Variants in AGBL4 observed in about 807,000 individuals in gnomAD.
AGBL4 encodes cytosolic carboxypeptidase 6.
AGBL4 carries 58 observed loss-of-function variants against 66.4 expected under a neutral mutation model. That is an observed-to-expected ratio of 0.87 (90% CI 0.71 to 1.09). The LOEUF is 1.09. Ranked by LOEUF, AGBL4 falls within the 50% of genes least tolerant of loss-of-function variation. AGBL4 has a pLI of 0.00. For missense variants in AGBL4, 579 were observed against 631.0 expected, an observed-to-expected ratio of 0.92 and a Z score of 0.88; for synonymous variants, 234 against 222.9, an observed-to-expected ratio of 1.05 and a Z score of -0.44.
rs558871417 is a variant in AGBL4, at chr1:49,053,199, C to T, written c.378-7399G>A. ...AGGGTTTGAAATGGACAGAGCAAGTCAAGGTAGGGGGTCAAGGAAAAAGTG... is the reference window on the plus strand; with the variant it reads ...AGGGTTTGAAATGGACAGAGCAAGTTAAGGTAGGGGGTCAAGGAAAAAGTG... On this transcript the variant is annotated intron_variant, in intron 4 of 13. Transcript: ENST00000371839. Among the ~76,000 whole-genome samples the T allele has an allele frequency of 4.6e-5, 7 of 152,164 alleles. No homozygotes were observed. In the South Asian group the frequency reaches 1.2e-3, roughly 27 times the overall value.
At chr1:48,527,172 GT>G in the AGBL4 span, among the ~76,000 whole-genome samples, 5 of 152,114 alleles carry the variant, frequency 3.3e-5, no homozygotes, top group Non-Finnish European at 5.9e-5. Context: ...TTCTGCTGTA[GT>G]TACTGAGTGC....
chr1:49,051,644 T>C (rs1373991882), intron 4 of AGBL4, among the ~76,000 whole-genome samples: 1 of 152,130 alleles, frequency 6.6e-6, no homozygotes, highest in Non-Finnish European at 1.5e-5. Context: ...CTCCTTTTCC[T>C]CTTTGATGTC....
intron 3 of AGBL4, among the ~76,000 whole-genome samples, chr1:49,567,857 G>A (rs1157855247): frequency 6.6e-6 from 1 of 152,002 alleles, no homozygotes; most frequent in Admixed American, 6.6e-5. Flanking sequence ...CAGAATTAAG[G>A]ACAAAAACTA....
At chr1:48,609,755 T>C (rs937187011) in intron 9 of AGBL4, among the ~76,000 whole-genome samples, 3 of 152,214 alleles carry the variant, frequency 2.0e-5, no homozygotes, top group Non-Finnish European at 4.4e-5. Flanking sequence ...TATTTCATGA[T>C]CTTCTCCATA....
At chr1:49,244,729 A>C (rs1651503399) in intron 4 of AGBL4, among the ~76,000 whole-genome samples, 1 of 151,882 alleles carries the variant, frequency 6.6e-6, no homozygotes, top group African/African-American at 2.4e-5. Context: ...TTAATAATAG[A>C]TGCCATTTAT....
intron 3 of AGBL4, among the ~76,000 whole-genome samples, chr1:49,690,433 C>A (rs1646865365): frequency 6.6e-6 from 1 of 152,118 alleles, no homozygotes; most frequent in Non-Finnish European, 1.5e-5. Flanking sequence ...TCCAAATTTA[C>A]TACAGTGAGC....
intron 1 of AGBL4, among the ~76,000 whole-genome samples, chr1:49,853,311 AG>A (rs1316148059): frequency 1.3e-5 from 2 of 152,204 alleles, no homozygotes; most frequent in Non-Finnish European, 2.9e-5. Flanking sequence ...ATAATACAAA[AG>A]GAAATGATAA....
intron 2 of AGBL4, among the ~76,000 whole-genome samples, chr1:49,780,299 A>G (rs1288985229): frequency 1.3e-5 from 2 of 152,280 alleles, no homozygotes. Flanking sequence ...TCATGCTTAT[A>G]ATACATACAA....
At chr1:49,569,331 A>C (rs1445660782) in intron 3 of AGBL4, among the ~76,000 whole-genome samples, 1 of 152,118 alleles carries the variant, frequency 6.6e-6, no homozygotes, top group East Asian at 1.9e-4. Context: ...CAAGGTGACT[A>C]TTGTCAATAA....
rs1299451172 is a variant in AGBL4 at position 48,647,503 on chromosome 1, T to C, written c.839+5834A>G. On this transcript the variant is annotated intron_variant, in intron 8 of 13. Coordinates refer to ENST00000371839, the MANE Select transcript of AGBL4 (RefSeq NM_032785.4). ...ATTCTGAGGCTGTACCTGGTAATTATAGATTTTTATGCCCAGAAACATAAA... is the reference window on the plus strand; with the variant it reads ...ATTCTGAGGCTGTACCTGGTAATTACAGATTTTTATGCCCAGAAACATAAA... The C allele has an allele frequency of 4.9e-5, 17 of 345,398 alleles. No individual in the cohort carries two copies. The East Asian group carries it at 6.5e-4, about 13-fold the overall frequency. 21.4% of individuals were successfully genotyped at this position (345,398 alleles called of 1,614,324 possible).
At chr1:48,898,987 A>G (rs1313376698) in intron 5 of AGBL4, among the ~76,000 whole-genome samples, 1 of 152,134 alleles carries the variant, frequency 6.6e-6, no homozygotes, top group East Asian at 1.9e-4. Context: ...TCTCTCCCCG[A>G]CCCCAGAGTG....
At chr1:49,847,313 G>A (rs933077459) in intron 2 of AGBL4, among the ~76,000 whole-genome samples, 6 of 152,102 alleles carry the variant, frequency 3.9e-5, no homozygotes, top group Non-Finnish European at 8.8e-5. Context: ...AATACTATAA[G>A]AAAAACTATG....
At chr1:49,184,843 C>T (rs76062326) in intron 4 of AGBL4, among the ~76,000 whole-genome samples, 119 of 152,252 alleles carry the variant, frequency 7.8e-4, no homozygotes, top group African/African-American at 2.8e-3. Flanking sequence ...CCTCAATGTC[C>T]TCATATGAAA....
At chr1:49,162,683 A>G (rs1039767237) in intron 4 of AGBL4, among the ~76,000 whole-genome samples, 1 of 152,174 alleles carries the variant, frequency 6.6e-6, no homozygotes, top group African/African-American at 2.4e-5. Context: ...GAAATCTTTG[A>G]CATGAATTTT....
At chr1:49,410,974 C>A (rs1327698898) in intron 3 of AGBL4, among the ~76,000 whole-genome samples, 1 of 152,120 alleles carries the variant, frequency 6.6e-6, no homozygotes, top group African/African-American at 2.4e-5. Flanking sequence ...AGGGCCACAA[C>A]TAATAGGATA....
intron 3 of AGBL4, among the ~76,000 whole-genome samples, chr1:49,255,709 AT>A (rs1019356288): frequency 2.0e-5 from 3 of 152,216 alleles, no homozygotes; most frequent in Admixed American, 1.3e-4. Flanking sequence ...AGACACATGC[AT>A]GCATGTGTTC....
intron 6 of AGBL4, among the ~76,000 whole-genome samples, chr1:48,862,873 G>A (rs1443789429): frequency 1.3e-5 from 2 of 152,066 alleles, no homozygotes; most frequent in Non-Finnish European, 1.5e-5. Flanking sequence ...TTTATACCCA[G>A]CCAAGTTATC....
intron 1 of AGBL4, among the ~76,000 whole-genome samples, chr1:50,021,518 A>G (rs1264461958): frequency 6.6e-6 from 1 of 152,178 alleles, no homozygotes; most frequent in African/African-American, 2.4e-5. Flanking sequence ...CCCTATCCCA[A>G]TAATGGCACC....
chr1:48,750,607 G>A (rs1182790952), intron 6 of AGBL4, among the ~76,000 whole-genome samples: 3 of 152,184 alleles, frequency 2.0e-5, no homozygotes, highest in Non-Finnish European at 2.9e-5. Flanking sequence ...GTGGCAAGGG[G>A]GGCTTAACAA....
Sources: allele counts gnomAD v4.1 joint callset (sites outside exome capture counted in the v4.1 genomes callset), GRCh38; gene constraint gnomAD v4.1.1; transcripts MANE v1.5; gene names NCBI Gene and HGNC (gene_info 2026-07-23, HGNC 2026-07-21).